Variants in ANK3 observed in about 807,000 individuals in gnomAD.
The protein encoded by ANK3 is ankyrin-3.
A neutral mutation model predicts 370.9 loss-of-function variants in ANK3; 57 were observed. The ratio of observed to expected loss-of-function variants is 0.15; its 90% CI spans 0.12 to 0.19. The LOEUF (loss-of-function observed/expected upper bound fraction) is 0.19, where lower values mean the gene tolerates loss of function less well. Ranked by LOEUF, ANK3 falls within the 10% of genes least tolerant of loss-of-function variation. ANK3 has a pLI of 1.00. For missense variants in ANK3, 4,439 were observed against 5,302.1 expected, an observed-to-expected ratio of 0.84 and a Z score of 5.06; for synonymous variants, 1,929 against 1,946.3, an observed-to-expected ratio of 0.99 and a Z score of 0.23.
At chr10:60,569,043 G>A (rs2077528758) in intron 2 of ANK3, among the ~76,000 whole-genome samples, 1 of 116,204 alleles carries the variant, frequency 8.6e-6, no homozygotes, top group African/African-American at 2.9e-5. Context: ...AAGCCACCTA[G>A]TCTATTGTAT....
At chr10:60,049,696 G>A (rs1036084816) in intron 42 of ANK3, among the ~76,000 whole-genome samples, 5 of 152,254 alleles carry the variant, frequency 3.3e-5, no homozygotes, top group African/African-American at 7.2e-5. Flanking sequence ...ATGTTAATAT[G>A]TTATAATCAT....
At chr10:60,202,868 C>T (rs2096706158) in intron 12 of ANK3, 134 bp downstream of exon 12, 2 of 605,668 alleles carry the variant, frequency 3.3e-6, no homozygotes, top group African/African-American at 3.8e-5. Flanking sequence ...GATTGCACCA[C>T]TGTATTCCAG....
intron 7 of ANK3, among the ~76,000 whole-genome samples, chr10:60,243,297 C>T (rs113459503): frequency 9.2e-4 from 140 of 152,204 alleles, no homozygotes; most frequent in African/African-American, 3.3e-3. Flanking sequence ...ACTTAATCTC[C>T]AAATTCATAT....
Position 60,074,512 on chromosome 10 carries a change from A to G in ANK3, c.6369T>C (p.Ser2123=). The change falls in exon 37 of 44, where the codon AGT becomes AGC. Residue 2123 remains serine (S), a synonymous_variant. Coordinates refer to ENST00000280772, the MANE Select transcript of ANK3 (RefSeq NM_020987.5). The part of the protein sequence containing the change: ...DDFSQHDQDK[S]PLSDSGFETR... ...TTTCAAAGCCACTGTCAGACAAGGG[A>G]CTTTTATCTTGGTCGTGTTGAGAAA... 1 of 1,613,718 alleles carries G rather than the reference A, an allele frequency of 6.2e-7. No individual in the cohort carries two copies. The highest frequency in any genetic ancestry group is 8.5e-7 in the Non-Finnish European group (1 of 1,179,904).
chr10:60,395,620 C>CTTTCTT (rs57944792), intron 2 of ANK3, among the ~76,000 whole-genome samples: 269 of 32,386 alleles, frequency 8.3e-3, no homozygotes, highest in East Asian at 0.026. Flanking sequence ...CTCTTTCGTT[C>CTTTCTT]TCTCTCTCTC....
chr10:60,179,904 G>C (rs189292417), intron 18 of ANK3, among the ~76,000 whole-genome samples: 36 of 152,232 alleles, frequency 2.4e-4, no homozygotes, highest in African/African-American at 8.4e-4. Flanking sequence ...ATGTGCTGGG[G>C]CAGAAAAATG....
chr10:60,661,342 G>A (rs899042477), intron 1 of ANK3, among the ~76,000 whole-genome samples: 1 of 152,038 alleles, frequency 6.6e-6, no homozygotes, highest in African/African-American at 2.4e-5. Context: ...GAAAGAATGA[G>A]AGCCAGAAAT....
chr10:60,120,083 C>G (rs113725522), intron 25 of ANK3, among the ~76,000 whole-genome samples: 5,672 of 152,128 alleles, frequency 0.037, 171 homozygotes, highest in Non-Finnish European at 0.058. Flanking sequence ...ATATAATCAC[C>G]AAAACGGCAT....
intron 2 of ANK3, among the ~76,000 whole-genome samples, chr10:60,460,648 G>C (rs2064860766): frequency 6.6e-6 from 1 of 152,148 alleles, no homozygotes. Context: ...TGAGGAGAAA[G>C]TGTCTTAGTT....
intron 2 of ANK3, among the ~76,000 whole-genome samples, chr10:60,448,660 T>C (rs902345162): frequency 1.3e-5 from 2 of 152,192 alleles, no homozygotes; most frequent in Non-Finnish European, 2.9e-5. Context: ...GACTCCCCAG[T>C]CAACTCCATG....
chr10:60,467,984 CTT>C (rs56199348), intron 2 of ANK3, among the ~76,000 whole-genome samples: 2,790 of 135,280 alleles, frequency 0.021, 88 homozygotes, highest in African/African-American at 0.069. Flanking sequence ...CATATAAAAA[CTT>C]TTTTTTTTTT....
chr10:60,247,933 C>T (rs2097581651), intron 7 of ANK3, among the ~76,000 whole-genome samples: 1 of 152,186 alleles, frequency 6.6e-6, no homozygotes, highest in Non-Finnish European at 1.5e-5. Context: ...TCCCAAAGTG[C>T]TGGGATTACA....
intron 38 of ANK3, among the ~76,000 whole-genome samples, chr10:60,064,499 C>A (rs1401906157): frequency 6.6e-6 from 1 of 152,072 alleles, no homozygotes; most frequent in Non-Finnish European, 1.5e-5. Context: ...TAATGACTTA[C>A]AATCAGATTT....
intron 23 of ANK3, among the ~76,000 whole-genome samples, chr10:60,152,185 C>T: frequency 6.6e-6 from 1 of 152,176 alleles, no homozygotes; most frequent in East Asian, 1.9e-4. Context: ...ATGGCACTGA[C>T]TAGTCTAGTT....
intron 2 of ANK3, among the ~76,000 whole-genome samples, chr10:60,547,898 A>G (rs991292563): frequency 5.3e-5 from 8 of 152,206 alleles, no homozygotes; most frequent in Non-Finnish European, 8.8e-5. Flanking sequence ...TGGACATCAT[A>G]GCCCTAAGTT....
chr10:60,453,317 GCA>G (rs543150858), intron 2 of ANK3, among the ~76,000 whole-genome samples: 87 of 152,288 alleles, frequency 5.7e-4, no homozygotes, highest in African/African-American at 1.8e-3. Context: ...TCACCACTCT[GCA>G]CAGATGCTTT....
chr10:60,642,333 G>A (rs1202793614), intron 1 of ANK3, among the ~76,000 whole-genome samples: 5 of 151,266 alleles, frequency 3.3e-5, no homozygotes, highest in East Asian at 3.9e-4. Context: ...ACATGCACAC[G>A]TATGTTTATT....
chr10:60,338,614 C>T (rs1471391140), intron 1 of ANK3, among the ~76,000 whole-genome samples: 1 of 152,092 alleles, frequency 6.6e-6, no homozygotes, highest in Non-Finnish European at 1.5e-5. Flanking sequence ...CGTTGTGTCC[C>T]CCCAGCCCTT....
intron 8 of ANK3, among the ~76,000 whole-genome samples, chr10:60,218,651 G>A (rs1393534454): frequency 1.3e-5 from 2 of 152,048 alleles, no homozygotes; most frequent in Non-Finnish European, 2.9e-5. Flanking sequence ...TGAGAGGTCC[G>A]CTGTTAGTCT....
Sources: gnomAD v4.1 joint callset for allele counts (sites outside exome capture counted in the v4.1 genomes callset) on GRCh38, gnomAD v4.1.1 for gene constraint, MANE v1.5 for transcripts, NCBI Gene and HGNC (gene_info 2026-07-23, HGNC 2026-07-21) for gene names.